The following COA6 variants were observed in gnomAD, a reference collection of about 807,000 sequenced individuals.
COA6 encodes the protein cytochrome c oxidase assembly factor 6.
Under a neutral mutation model 17.1 loss-of-function variants are expected in COA6, and 12 were observed. The observed-to-expected ratio is 0.70, with a 90% CI of 0.45 to 1.14. The LOEUF (loss-of-function observed/expected upper bound fraction) is 1.14, where lower values mean the gene tolerates loss of function less well. Among genes scored for constraint, COA6 ranks in the 50% most tolerant of loss-of-function variants. The pLI is 0.00. For missense variants in COA6, 246 were observed against 196.5 expected (o/e 1.25, Z -1.51); for synonymous variants, 90 against 73.4 (o/e 1.23, Z -1.16).
Position 234,383,015 on chromosome 1 carries a change from A to G in COA6, c.373-708A>G, listed in dbSNP as rs1053700405. Among the ~76,000 whole-genome samples the G allele has an allele frequency of 5.0e-4, 32 of 64,420 alleles. No individual in the cohort carries two copies. In the East Asian group the frequency reaches 6.5e-3, roughly 13 times the overall value. The allele number at this position is 64,420 out of a possible 152,430, so 42.3% of individuals were successfully genotyped here. On this transcript the variant is annotated intron_variant, in intron 2 of 2. Transcript: ENST00000366615. Reference sequence around the variant, plus strand: ...GAGCGAGACTCTCTGTCAAGAAAGAAAGAGAGAGAGAGAGAGAAGGAAGGG... The same window carrying G: ...GAGCGAGACTCTCTGTCAAGAAAGAGAGAGAGAGAGAGAGAGAAGGAAGGG...
intron 2 of COA6, among the ~76,000 whole-genome samples, chr1:234,380,075 A>G (rs1457351100): frequency 6.6e-6 from 1 of 152,124 alleles, no homozygotes; most frequent in African/African-American, 2.4e-5. Context: ...TCCCATTTGC[A>G]CCCATTTTCT....
rs1553268963 is a variant in COA6 at position 234,384,599 on chromosome 1, A to ATACTT, written c.*782_*786dup. On this transcript the variant is annotated 3_prime_UTR_variant, in exon 3 of 3. Transcript: ENST00000366615. ...AATAGCACCAAAAAAAATTAAAGGA[A>ATACTT]TACTTAGGTATAAATCTAATATATG... Among the ~76,000 whole-genome samples, 3 of 152,222 alleles carry ATACTT rather than the reference A, an allele frequency of 2.0e-5. No individual in the cohort carries two copies. The highest frequency in any genetic ancestry group is 4.8e-5 in the African/African-American group (2 of 41,446).
chr1:234,373,593 C>A lies in COA6; in HGVS notation c.127C>A (p.Arg43Ser). Residue 43 changes from arginine (R) to serine (S), a missense_variant, in exon 1 of 3, where the codon CGC (arginine) becomes AGC (serine). By Grantham distance (110) the Arg-to-Ser change is moderately radical (BLOSUM62 -1). Coordinates refer to ENST00000366615, the MANE Select transcript of COA6 (RefSeq NM_001206641.3). ...GRPCSGRTRH[R>S]ALHRRLVACV... is the part of the protein sequence containing the mutation. ...ACCCTGCAGTGGCAGGACTCGGCACCGCGCCCTCCACCGCCGGTTGGTGGC... is the reference window on the plus strand; with the variant it reads ...ACCCTGCAGTGGCAGGACTCGGCACAGCGCCCTCCACCGCCGGTTGGTGGC... 1 of 1,612,366 alleles carries A rather than the reference C, an allele frequency of 6.2e-7. No homozygotes were observed. The highest frequency in any genetic ancestry group is 8.5e-7 in the Non-Finnish European group (1 of 1,179,486).
intron 1 of COA6, chr1:234,373,895 A>T (rs1193565124): frequency 6.3e-7 from 1 of 1,580,854 alleles, no homozygotes; most frequent in African/African-American, 1.3e-5. Flanking sequence ...TACTGGTGGG[A>T]AACGGGCTCG....
intron 2 of COA6, among the ~76,000 whole-genome samples, chr1:234,377,790 G>C (rs967156909): frequency 6.6e-6 from 1 of 152,240 alleles, no homozygotes; most frequent in Non-Finnish European, 1.5e-5. Flanking sequence ...CCAGCACAGC[G>C]GGGAGTGCGT....
intron 2 of COA6, among the ~76,000 whole-genome samples, chr1:234,383,064 GA>G (rs1659023093): frequency 8.9e-6 from 1 of 112,426 alleles, no homozygotes; most frequent in Non-Finnish European, 1.9e-5. Context: ...GGGAGGGAGG[GA>G]GGGAAGGGAA....
chr1:234,383,130 C>G (rs931277068), intron 2 of COA6, among the ~76,000 whole-genome samples: 2 of 151,598 alleles, frequency 1.3e-5, no homozygotes, highest in South Asian at 2.1e-4. Context: ...TCATTTGAAG[C>G]CTTCTGACCT....
intron 2 of COA6, among the ~76,000 whole-genome samples, chr1:234,375,467 G>C (rs6586385): frequency 0.55 from 83,332 of 152,010 alleles, 24,627 homozygotes; most frequent in African/African-American, 0.77. Context: ...TTATGCTGCT[G>C]CAAAATATAC....
chr1:234,384,828 T>G lies in COA6; in HGVS notation c.*1010T>G, dbSNP rs1205585643. 6.6e-6 allele frequency among the ~76,000 whole-genome samples: 1 copy of G among 152,250 alleles called. No individual in the cohort carries two copies. The highest frequency in any genetic ancestry group is 2.4e-5 in the African/African-American group (1 of 41,474). On this transcript the variant is annotated 3_prime_UTR_variant, in exon 3 of 3. Transcript: ENST00000366615. ...CCTATTTACATTGTATTAGGTATTG[T>G]AAGTCATTGAGATGATTTAAAGTAT...
rs191748822 is a variant in COA6 at position 234,375,844 on chromosome 1, C to T, written c.372+1455C>T. On this transcript the variant is annotated intron_variant, in intron 2 of 2. Transcript: ENST00000366615. ...AATTTTTAAAATTATTTTGTAAAGA[C>T]AGGATCTCACTATGTTGCCCAGGCT... 8.5e-5 allele frequency among the ~76,000 whole-genome samples: 13 copies of T among 152,198 alleles called. No homozygotes were observed. In the East Asian group the frequency reaches 2.5e-3, roughly 29 times the overall value.
At chr1:234,380,052 G>A (rs1025921986) in intron 2 of COA6, among the ~76,000 whole-genome samples, 1 of 152,214 alleles carries the variant, frequency 6.6e-6, no homozygotes, top group African/African-American at 2.4e-5. Context: ...GCATTTGACA[G>A]TGATAGCCCG....
intron 2 of COA6, 152 bp downstream of exon 2, chr1:234,374,541 T>C: frequency 1.4e-6 from 1 of 691,262 alleles, no homozygotes. Context: ...TTCAGCCTTA[T>C]TTGACGCACT....
rs1181137640 is a variant in COA6, at chr1:234,384,641, G to T, written c.*823G>T. Among the ~76,000 whole-genome samples, 1 of 152,164 alleles carries T rather than the reference G, an allele frequency of 6.6e-6. No individual in the cohort carries two copies. ...TAATATATGGAGGCCTCTATGCTGA[G>T]AACTAGAAAACACTTGGAAGCAGAC... On this transcript the variant is annotated 3_prime_UTR_variant, in exon 3 of 3. Coordinates refer to ENST00000366615, the MANE Select transcript of COA6 (RefSeq NM_001206641.3).
At chr1:234,383,662 G>A (rs2103019897) in intron 2 of COA6, 61 bp from the exon 3 acceptor site, 1 of 716,820 alleles carries the variant, frequency 1.4e-6, no homozygotes, top group Non-Finnish European at 2.5e-6. Context: ...TTAAATCTGT[G>A]CTTTTGCTTA....
At chr1:234,373,878 C>T (rs1406283942) in intron 1 of COA6, 200 bp downstream of exon 1, 2 of 1,598,650 alleles carry the variant, frequency 1.3e-6, no homozygotes, top group Admixed American at 1.7e-5. Flanking sequence ...CACTGCTGTC[C>T]CCGCTTTACT....
At chr1:234,381,728 A>G (rs12401853) in intron 2 of COA6, among the ~76,000 whole-genome samples, 3 of 152,002 alleles carry the variant, frequency 2.0e-5, no homozygotes, top group African/African-American at 7.2e-5. Flanking sequence ...GTGCTGTGGC[A>G]GTGAAGAAGG....
chr1:234,379,383 G>T (rs558835304), intron 2 of COA6, among the ~76,000 whole-genome samples: 3 of 152,184 alleles, frequency 2.0e-5, no homozygotes. Flanking sequence ...ATTATGGAAG[G>T]GTTCTGTTTG....
At chr1:234,381,630 C>G (rs898822751) in intron 2 of COA6, among the ~76,000 whole-genome samples, 1 of 152,126 alleles carries the variant, frequency 6.6e-6, no homozygotes, top group Non-Finnish European at 1.5e-5. Flanking sequence ...CAGCCTGGGA[C>G]AGGTGAATTA....
In COA6 at chr1:234,374,400, C is replaced by G. The variant is rs751935276; in HGVS notation, c.372+11C>G. 6.2e-7 allele frequency: 1 copy of G among 1,613,590 alleles called. No individual in the cohort carries two copies. The highest frequency in any genetic ancestry group is 1.7e-5 in the Admixed American group (1 of 59,910). On this transcript the variant is annotated intron_variant, in intron 2 of 2. Transcript: ENST00000366615. ...TGTCCCCAACAGTGGGTAAGTCACA[C>G]TTTGATGTGTTTCTCTTCCCTGTTA...
Sources: gnomAD v4.1 joint callset for allele counts (sites outside exome capture counted in the v4.1 genomes callset) on GRCh38, gnomAD v4.1.1 for gene constraint, MANE v1.5 for transcripts, NCBI Gene and HGNC (gene_info 2026-07-23, HGNC 2026-07-21) for gene names.